FHIT: variants seen among roughly 807,000 people sequenced by gnomAD.
FHIT encodes the protein bis(5'-adenosyl)-triphosphatase.
FHIT carries 19 observed loss-of-function variants against 17.9 expected under a neutral mutation model. The observed-to-expected ratio is 1.06, with a 90% CI of 0.74 to 1.56. FHIT has a LOEUF of 1.56. Among genes scored for constraint, FHIT ranks in the 40% most tolerant of loss-of-function variants. The pLI is 0.00. For synonymous variants in FHIT, 81 were observed against 69.7 expected (o/e 1.16, Z -0.81); for missense variants, 248 against 189.2 (o/e 1.31, Z -1.82).
At chr3:60,747,264 T>A (rs2042378172) in intron 4 of FHIT, among the ~76,000 whole-genome samples, 1 of 152,180 alleles carries the variant, frequency 6.6e-6, no homozygotes, top group South Asian at 2.1e-4. Context: ...CTCGGATCTG[T>A]TTAGACATAA....
intron 5 of FHIT, among the ~76,000 whole-genome samples, chr3:60,187,792 T>C (rs1028973867): frequency 2.6e-5 from 4 of 152,230 alleles, no homozygotes; most frequent in African/African-American, 9.6e-5. Flanking sequence ...ATTTAATTCA[T>C]TCATTTGCAT....
chr3:61,005,552 G>C (rs369815716), intron 3 of FHIT, among the ~76,000 whole-genome samples: 162 of 152,242 alleles, frequency 1.1e-3, no homozygotes, highest in African/African-American at 3.7e-3. Context: ...TTCTGCAACA[G>C]ACACGAAGAA....
At chr3:60,224,569 C>T (rs186897148) in intron 5 of FHIT, among the ~76,000 whole-genome samples, 13 of 152,154 alleles carry the variant, frequency 8.5e-5, no homozygotes, top group South Asian at 8.3e-4. Context: ...CCCAGTTCAC[C>T]GGAGCTGCCT....
chr3:60,971,289 G>T (rs183263325), intron 3 of FHIT, among the ~76,000 whole-genome samples: 32 of 152,294 alleles, frequency 2.1e-4, no homozygotes, highest in African/African-American at 7.5e-4. Flanking sequence ...AGAATCACTT[G>T]AACCCGGGAG....
chr3:60,522,486 C>CATAGTGGTAGACTGGAGGATGG (rs1256234619), intron 5 of FHIT, among the ~76,000 whole-genome samples: 2 of 152,144 alleles, frequency 1.3e-5, no homozygotes, highest in East Asian at 1.9e-4. Flanking sequence ...ATGTCAGCTA[C>CATAGTGGTAGACTGGAGGATGG]ATAGTGGTAG....
chr3:60,934,676 CCTTG>C (rs1708111257), intron 3 of FHIT, among the ~76,000 whole-genome samples: 1 of 152,198 alleles, frequency 6.6e-6, no homozygotes, highest in African/African-American at 2.4e-5. Flanking sequence ...GAGTATCCTA[CCTTG>C]CTTAAGTACA....
In FHIT at chr3:60,845,421, C is replaced by T. The variant is rs113653329; in HGVS notation, c.-110-23410G>A. On this transcript the variant is annotated intron_variant, in intron 3 of 9. Transcript: ENST00000492590. The stretch of plus-strand genomic sequence containing the variant: ...GGGTAAATGATTAAGAGAGAGACAA[C>T]GTCTGGCTTCTGAGCAGAGCACAGA... 4.6e-4 allele frequency among the ~76,000 whole-genome samples: 70 copies of T among 152,082 alleles called. 1 individual carries two copies. The highest frequency in any genetic ancestry group is 3.4e-3 in the Middle Eastern group (1 of 294).
chr3:60,878,574 T>C (rs183868670), intron 3 of FHIT, among the ~76,000 whole-genome samples: 1 of 152,230 alleles, frequency 6.6e-6, no homozygotes, highest in Non-Finnish European at 1.5e-5. Context: ...ATGTGCCATG[T>C]TACTGTGCGG....
chr3:60,204,454 T>TTTG (rs1553711712), intron 5 of FHIT, among the ~76,000 whole-genome samples: 24 of 77,464 alleles, frequency 3.1e-4, no homozygotes, highest in African/African-American at 1.1e-3. Flanking sequence ...GTTTTTTTTT[T>TTTG]TTTGTTTTGT....
intron 5 of FHIT, among the ~76,000 whole-genome samples, chr3:60,144,672 C>T (rs1384561019): frequency 1.3e-5 from 2 of 151,820 alleles, no homozygotes; most frequent in African/African-American, 2.4e-5. Flanking sequence ...AATACATATC[C>T]GTGTTGTGTA....
intron 4 of FHIT, among the ~76,000 whole-genome samples, chr3:60,728,853 T>C (rs1436441457): frequency 6.6e-6 from 1 of 152,156 alleles, no homozygotes; most frequent in Non-Finnish European, 1.5e-5. Flanking sequence ...AAATTACTTA[T>C]ATAAAACTCA....
intron 4 of FHIT, among the ~76,000 whole-genome samples, chr3:60,753,675 T>A (rs2042513944): frequency 6.6e-6 from 1 of 152,048 alleles, no homozygotes; most frequent in Non-Finnish European, 1.5e-5. Flanking sequence ...CTAGACAAAA[T>A]AAACTCTGAA....
At chr3:60,621,567 G>C (rs1216313673) in intron 4 of FHIT, among the ~76,000 whole-genome samples, 1 of 151,656 alleles carries the variant, frequency 6.6e-6, no homozygotes, top group Admixed American at 6.6e-5. Context: ...GCAACTACTA[G>C]TGACTGCACT....
chr3:61,038,248 C>T (rs988686193), intron 3 of FHIT, among the ~76,000 whole-genome samples: 3 of 152,182 alleles, frequency 2.0e-5, no homozygotes, highest in African/African-American at 7.2e-5. Flanking sequence ...TAAAGACACC[C>T]TCTGCAAAGC....
chr3:60,433,740 T>A (rs184074193), intron 5 of FHIT, among the ~76,000 whole-genome samples: 1 of 152,274 alleles, frequency 6.6e-6, no homozygotes, highest in Admixed American at 6.5e-5. Context: ...TCTATTTAAG[T>A]CCTTTTGCTC....
intron 2 of FHIT, among the ~76,000 whole-genome samples, chr3:61,048,715 C>T (rs2106639177): frequency 6.6e-6 from 1 of 152,180 alleles, no homozygotes; most frequent in South Asian, 2.1e-4. Context: ...ATAGCAAAGA[C>T]CTGGAAGCAA....
intron 3 of FHIT, among the ~76,000 whole-genome samples, chr3:60,924,027 G>A (rs1159400225): frequency 1.3e-5 from 2 of 152,186 alleles, no homozygotes; most frequent in Non-Finnish European, 2.9e-5. Flanking sequence ...CCCTGCCATT[G>A]CCGAGGCTTG....
At chr3:60,416,298 A>T (rs1273809292) in intron 5 of FHIT, among the ~76,000 whole-genome samples, 4 of 152,210 alleles carry the variant, frequency 2.6e-5, no homozygotes, top group Admixed American at 6.5e-5. Context: ...TACAACCAAT[A>T]AAAGGGCATT....
chr3:60,643,356 C>T (rs1372587140), intron 4 of FHIT, among the ~76,000 whole-genome samples: 3 of 151,982 alleles, frequency 2.0e-5, no homozygotes, highest in African/African-American at 7.3e-5. Flanking sequence ...CCATGCAATT[C>T]CCATCAAAAT....
Sources: allele counts gnomAD v4.1 joint callset (sites outside exome capture counted in the v4.1 genomes callset), GRCh38; gene constraint gnomAD v4.1.1; transcripts MANE v1.5; gene names NCBI Gene and HGNC (gene_info 2026-07-23, HGNC 2026-07-21).